PLCE1: variants seen among roughly 807,000 people sequenced by gnomAD.
PLCE1 encodes the protein phospholipase C epsilon 1, also known as 1-phosphatidylinositol 4,5-bisphosphate phosphodiesterase epsilon-1.
PLCE1 carries 119 observed loss-of-function variants against 242.8 expected under a neutral mutation model. That is an observed-to-expected ratio of 0.49 (90% CI 0.42 to 0.57). The LOEUF (loss-of-function observed/expected upper bound fraction) is 0.57. Ranked by LOEUF, PLCE1 falls within the 20% of genes least tolerant of loss-of-function variation. PLCE1 has a pLI of 0.00. For missense variants in PLCE1, 2,441 were observed against 2,788.8 expected (o/e 0.88, Z 2.81); for synonymous variants, 945 against 1,017.4 (o/e 0.93, Z 1.35).
At position 94,137,873 on chromosome 10, in the gene PLCE1, C is replaced by A; in HGVS notation, c.1492+5414C>A. On this transcript the variant is annotated intron_variant, in intron 3 of 32. Coordinates refer to ENST00000371380, the MANE Select transcript of PLCE1 (RefSeq NM_016341.4). ...TCATAATTTGCTGCTCAACTACAGTCTCCACTGAAAAATGAAAATCTATTG... is the reference window on the plus strand; with the variant it reads ...TCATAATTTGCTGCTCAACTACAGTATCCACTGAAAAATGAAAATCTATTG... The A allele has an allele frequency of 1.0e-5, 3 of 291,512 alleles. No homozygotes were observed. In the South Asian group the frequency reaches 1.3e-4, roughly 13 times the overall value. 18.1% of individuals were successfully genotyped at this position (291,512 alleles called of 1,614,324 possible).
At chr10:94,040,498 T>A (rs2061744940) in intron 2 of PLCE1, among the ~76,000 whole-genome samples, 1 of 152,182 alleles carries the variant, frequency 6.6e-6, no homozygotes, top group African/African-American at 2.4e-5. Context: ...CACATCACAA[T>A]AATGCACTCC....
At chr10:94,297,401 A>T (rs79005770) in intron 23 of PLCE1, among the ~76,000 whole-genome samples, 3,113 of 152,138 alleles carry the variant, frequency 0.02, 28 homozygotes, top group South Asian at 0.041. Context: ...ACCCCAAAAC[A>T]ATTACAATAA....
Position 94,270,522 on chromosome 10 carries a change from A to G in PLCE1, c.4426A>G (p.Asn1476Asp). 1 of 1,613,958 alleles carries G rather than the reference A, an allele frequency of 6.2e-7. No homozygotes were observed. The highest frequency in any genetic ancestry group is 8.5e-7 in the Non-Finnish European group (1 of 1,179,862). Residue 1476 changes from asparagine to aspartate, a missense_variant, in exon 18 of 33, where the codon AAC (asparagine) becomes GAC (aspartate). Physicochemically the swap from Asn to Asp is conservative, Grantham distance 23. This residue lies in a region of PLCE1 where 1,004 missense variants were observed against 1,322.7 expected (regional missense o/e 0.76). Coordinates refer to ENST00000371380, the MANE Select transcript of PLCE1 (RefSeq NM_016341.4). Reference sequence around the variant, plus strand: ...AGCCATTGATCGCAGTGCCTTCATCAACTCTGACCTGCCAATCATCATATC... The same window carrying G: ...AGCCATTGATCGCAGTGCCTTCATCGACTCTGACCTGCCAATCATCATATC... Reference protein sequence around the residue: ...VEAIDRSAFINSDLPIIISIE... With the variant: ...VEAIDRSAFIDSDLPIIISIE...
At position 94,321,760 on chromosome 10, in the gene PLCE1, G is replaced by GAAAT. The variant is rs2053812792; in HGVS notation, c.6343-138_6343-135dup. The stretch of plus-strand genomic sequence containing the variant: ...GGTATATCCTTTTAGAACAGTTTAT[G>GAAAT]AAATAATAACATAGTATATGAGATA... On this transcript the variant is annotated intron_variant, in intron 29 of 32. Transcript: ENST00000371380. 7 of 653,440 alleles carry GAAAT rather than the reference G, an allele frequency of 1.1e-5. No homozygotes were observed. The Admixed American group carries it at 1.8e-4, about 17-fold the overall frequency. The allele number at this position is 653,440 out of a possible 1,614,324, so 40.5% of individuals were successfully genotyped here. A position where few individuals can be genotyped will look rare whatever the true frequency, so the allele number is the denominator to read the frequency against.
At chr10:94,048,535 A>G (rs1320172237) in intron 2 of PLCE1, among the ~76,000 whole-genome samples, 1 of 151,664 alleles carries the variant, frequency 6.6e-6, no homozygotes, top group Non-Finnish European at 1.5e-5. Context: ...ATCACTGATG[A>G]TGTTTACCAT....
intron 2 of PLCE1, among the ~76,000 whole-genome samples, chr10:94,078,201 G>A (rs1269655933): frequency 6.6e-6 from 1 of 152,032 alleles, no homozygotes; most frequent in Non-Finnish European, 1.5e-5. Context: ...CAGCTTTTTG[G>A]CAAACATTGC....
Position 94,283,878 on chromosome 10 carries a change from G to T in PLCE1, c.4884G>T (p.Lys1628Asn), listed in dbSNP as rs988525181. The T allele has an allele frequency of 6.2e-7, 1 of 1,612,196 alleles. No individual in the cohort carries two copies. Among genetic ancestry groups the T allele is most frequent in the Admixed American group, 1.7e-5 (1 of 59,952 alleles). Reference sequence around the variant, plus strand: ...ATGAAGAAATCCCAAAGAGGATAAAGAAAGCAGATAACTCTGCTTGCAACA... The same window carrying T: ...ATGAAGAAATCCCAAAGAGGATAAATAAAGCAGATAACTCTGCTTGCAACA... ...EYNEEIPKRI[K>N]KADNSACNKG... The change falls in exon 21 of 33, where the codon AAG (lysine) becomes AAT (asparagine). Residue 1628 changes from lysine (K) to asparagine (N), a missense_variant. Physicochemically the swap from Lys to Asn is moderately conservative, Grantham distance 94. Around this residue, in one of 5 missense-constraint regions of PLCE1, gnomAD observed 1,004 missense variants for 1,322.7 expected, o/e 0.76. Coordinates refer to ENST00000371380, the MANE Select transcript of PLCE1 (RefSeq NM_016341.4).
At chr10:94,068,405 T>TAAAA (rs10651573) in intron 2 of PLCE1, among the ~76,000 whole-genome samples, 1 of 151,802 alleles carries the variant, frequency 6.6e-6, no homozygotes, top group African/African-American at 2.4e-5. Context: ...AATTCAACAA[T>TAAAA]AAATAATACA....
intron 2 of PLCE1, among the ~76,000 whole-genome samples, chr10:94,053,830 A>G (rs2043831002): frequency 6.6e-6 from 1 of 152,222 alleles, no homozygotes; most frequent in Non-Finnish European, 1.5e-5. Context: ...GAAAAGTAGA[A>G]CAGATTTGGA....
At chr10:94,117,794 G>A (rs1316317716) in intron 2 of PLCE1, among the ~76,000 whole-genome samples, 4 of 152,092 alleles carry the variant, frequency 2.6e-5, no homozygotes, top group African/African-American at 4.8e-5. Context: ...AATAATGAAT[G>A]CACCCAATTG....
At chr10:94,310,377 A>G (rs1166570454) in intron 27 of PLCE1, among the ~76,000 whole-genome samples, 1 of 152,102 alleles carries the variant, frequency 6.6e-6, no homozygotes, top group African/African-American at 2.4e-5. Context: ...CCTTCACTGT[A>G]CATTTGTATC....
intron 1 of PLCE1, among the ~76,000 whole-genome samples, chr10:94,011,875 G>T (rs886998765): frequency 1.3e-4 from 20 of 151,970 alleles, no homozygotes; most frequent in African/African-American, 4.8e-4. Context: ...CTGGTTTTCC[G>T]CCTTTCATGC....
intron 24 of PLCE1, among the ~76,000 whole-genome samples, chr10:94,300,110 T>G (rs376356601): frequency 1.1e-3 from 160 of 152,340 alleles, no homozygotes; most frequent in African/African-American, 3.2e-3. Context: ...CCCGGCATAT[T>G]TTAAGTAAAC....
intron 2 of PLCE1, among the ~76,000 whole-genome samples, chr10:94,115,109 A>G (rs903226758): frequency 2.6e-5 from 4 of 152,152 alleles, no homozygotes; most frequent in Admixed American, 6.5e-5. Context: ...ATCATTTTTT[A>G]TGGCTGCATA....
At chr10:94,226,137 A>G (rs1437767189) in intron 4 of PLCE1, among the ~76,000 whole-genome samples, 3 of 152,278 alleles carry the variant, frequency 2.0e-5, no homozygotes, top group Non-Finnish European at 4.4e-5. Context: ...AAATAATCAT[A>G]GAGCAGAAGC....
At position 94,254,971 on chromosome 10, in the gene PLCE1, A is replaced by C; in HGVS notation, c.3476A>C (p.Asn1159Thr). The change falls in exon 11 of 33, where the codon AAC (asparagine) becomes ACC (threonine). Residue 1159 changes from asparagine to threonine, a missense_variant. Physicochemically the swap from Asn to Thr is moderately conservative, Grantham distance 65. Transcript: ENST00000371380. ...TCTTTGACCACAGCTGGGTCCCCCA[A>C]CTTGGCTGCCGGGACGTCATCTCCC... ...AHSLTTAGSP[N>T]LAAGTSSPIR... 7.4e-6 allele frequency: 12 copies of C among 1,614,072 alleles called. No homozygotes were observed. The highest frequency in any genetic ancestry group is 1.0e-5 in the Non-Finnish European group (12 of 1,179,988).
chr10:94,316,807 G>T, intron 29 of PLCE1, 51 bp downstream of exon 29: 2 of 1,349,012 alleles, frequency 1.5e-6, no homozygotes, highest in Non-Finnish European at 2.1e-6. Context: ...TATGTGATTA[G>T]CCATTTACCA....
At chr10:94,102,271 T>C (rs771663981) in intron 2 of PLCE1, among the ~76,000 whole-genome samples, 3 of 152,128 alleles carry the variant, frequency 2.0e-5, no homozygotes, top group Non-Finnish European at 4.4e-5. Flanking sequence ...CATTGAGCCT[T>C]CAAACTAGTG....
At chr10:94,040,362 T>A (rs183124681) in intron 2 of PLCE1, among the ~76,000 whole-genome samples, 1 of 152,208 alleles carries the variant, frequency 6.6e-6, no homozygotes. Flanking sequence ...AATGTTGTTA[T>A]CTAAATTGTT....
Sources: allele counts gnomAD v4.1 joint callset (sites outside exome capture counted in the v4.1 genomes callset), GRCh38; gene constraint gnomAD v4.1.1; regional missense constraint gnomAD v4.1.1; transcripts MANE v1.5; gene names NCBI Gene and HGNC (gene_info 2026-07-23, HGNC 2026-07-21).